The following SPTBN2 variants were observed in gnomAD, a reference collection of about 807,000 sequenced individuals.
SPTBN2 encodes the protein spectrin beta, non-erythrocytic 2.
A neutral mutation model predicts 284.2 loss-of-function variants in SPTBN2; 107 were observed. That is an observed-to-expected ratio of 0.38 (90% CI 0.32 to 0.44). SPTBN2 has a LOEUF of 0.44. Among genes scored for constraint, SPTBN2 ranks in the 20% least tolerant of loss-of-function variants. The pLI is 1.00. For missense variants in SPTBN2, 2,569 were observed against 3,287.1 expected, an observed-to-expected ratio of 0.78 and a Z score of 5.34; for synonymous variants, 1,289 against 1,354.8, an observed-to-expected ratio of 0.95 and a Z score of 1.07.
intron 1 of SPTBN2, among the ~76,000 whole-genome samples, chr11:66,724,796 C>A (rs1213494649): frequency 2.0e-5 from 3 of 152,156 alleles, no homozygotes; most frequent in African/African-American, 7.2e-5. Context: ...TCCATGGGCA[C>A]ACACCTCCCT....
rs60168350 is a variant in SPTBN2, at chr11:66,692,263, T to TG, written c.5190+272dup. Among the ~76,000 whole-genome samples the TG allele has an allele frequency of 2.5e-3, 373 of 152,100 alleles. 1 individual carries two copies. Among genetic ancestry groups the TG allele is most frequent in the African/African-American group, 6.6e-3 (275 of 41,472 alleles). ...TAAAAAAAAATTTTTTTTGTAGAGA[T>TG]GGGGGGTCTCACTATGTTGCCCAGG... On this transcript the variant is annotated intron_variant, in intron 26 of 37. Transcript: ENST00000533211.
intron 15 of SPTBN2, among the ~76,000 whole-genome samples, chr11:66,703,284 G>C (rs1200893271): frequency 1.3e-5 from 2 of 151,922 alleles, no homozygotes; most frequent in African/African-American, 2.4e-5. Context: ...GTCTCACTAT[G>C]TTGCCCAGGC....
At chr11:66,717,796 C>G (rs1463167885) in intron 3 of SPTBN2, among the ~76,000 whole-genome samples, 1 of 152,202 alleles carries the variant, frequency 6.6e-6, no homozygotes, top group Non-Finnish European at 1.5e-5. Flanking sequence ...TGTCACGTCA[C>G]AAGACGCCCA....
At chr11:66,706,226 C>T (rs1447696341) in intron 13 of SPTBN2, among the ~76,000 whole-genome samples, 1 of 152,252 alleles carries the variant, frequency 6.6e-6, no homozygotes, top group Non-Finnish European at 1.5e-5. Context: ...GTCTCGCTGT[C>T]ATGCTGCCTG....
At chr11:66,689,683 A>G (rs919931932) in intron 29 of SPTBN2, 122 bp downstream of exon 29, 1 of 1,454,396 alleles carries the variant, frequency 6.9e-7, no homozygotes, top group East Asian at 2.3e-5. Context: ...CGTGAATGGC[A>G]CTGAGGGGAG....
At chr11:66,725,543 C>T (rs1942585075) in intron 1 of SPTBN2, among the ~76,000 whole-genome samples, 1 of 152,104 alleles carries the variant, frequency 6.6e-6, no homozygotes, top group Non-Finnish European at 1.5e-5. Context: ...CTTCATGACC[C>T]CCTGTCATGA....
At chr11:66,694,626 T>C (rs1940797401) in intron 21 of SPTBN2, among the ~76,000 whole-genome samples, 1 of 152,194 alleles carries the variant, frequency 6.6e-6, no homozygotes, top group African/African-American at 2.4e-5. Context: ...AACTTCAGCA[T>C]CACACAATAT....
chr11:66,707,927 G>T lies in SPTBN2; in HGVS notation c.1351-109C>A. 6.9e-7 allele frequency: 1 copy of T among 1,456,952 alleles called. No homozygotes were observed. The highest frequency in any genetic ancestry group is 9.3e-7 in the Non-Finnish European group (1 of 1,073,858). 90.3% of individuals were successfully genotyped at this position (1,456,952 alleles called of 1,614,324 possible). On this transcript the variant is annotated intron_variant, in intron 12 of 37. Transcript: ENST00000533211. This position sits in a 1 kb window ranked among gnomAD's most constrained non-coding sequence, Gnocchi z 4.9. ...TGCAAGATCCCAGCTCCATGCGGTGGCTCTAAGTTCCCTCTCTATCCCACC... is the reference window on the plus strand; with the variant it reads ...TGCAAGATCCCAGCTCCATGCGGTGTCTCTAAGTTCCCTCTCTATCCCACC...
At chr11:66,699,760 C>T in intron 17 of SPTBN2, 152 bp from the exon 18 acceptor site, 1 of 815,504 alleles carries the variant, frequency 1.2e-6, no homozygotes, top group Non-Finnish European at 2.0e-6. Flanking sequence ...GGCTGCCAGC[C>T]AGCATGGGAG....
In SPTBN2 at chr11:66,683,256, C is replaced by T. The variant is rs186392227; in HGVS notation, c.*2615G>A. On this transcript the variant is annotated 3_prime_UTR_variant, in exon 38 of 38. Transcript: ENST00000533211. ...CTAATTTTTGTATTTTTAGTAGAGA[C>T]GGGGTTTCACCGTTTTAGCCGGGAT... Among the ~76,000 whole-genome samples the T allele has an allele frequency of 9.2e-3, 1,389 of 151,564 alleles. 29 individuals carry two copies. Among genetic ancestry groups the T allele is most frequent in the African/African-American group, 0.033 (1,346 of 41,250 alleles).
At chr11:66,689,440 A>G (rs1406426220) in intron 29 of SPTBN2, 4 of 529,450 alleles carry the variant, frequency 7.6e-6, no homozygotes, top group African/African-American at 1.9e-5. Context: ...CGCCCGGCTA[A>G]TTTTTGTGTT....
chr11:66,732,123 CAT>C (rs1190622696), upstream of SPTBN2, among the ~76,000 whole-genome samples: 1 of 152,198 alleles, frequency 6.6e-6, no homozygotes, highest in Non-Finnish European at 1.5e-5. Flanking sequence ...ATACTTTACA[CAT>C]AACATTTCAT....
At chr11:66,688,107 C>T in intron 32 of SPTBN2, 28 bp from the exon 33 acceptor site, 1 of 1,613,908 alleles carries the variant, frequency 6.2e-7, no homozygotes, top group Non-Finnish European at 8.5e-7. Flanking sequence ...AACACAGAAT[C>T]ATTAGTCCCT....
intron 36 of SPTBN2, 136 bp from the exon 37 acceptor site, chr11:66,686,576 C>A: frequency 1.1e-6 from 1 of 936,872 alleles, no homozygotes; most frequent in Non-Finnish European, 1.7e-6. Flanking sequence ...CAGACACGCT[C>A]TGCACATTCT....
At chr11:66,699,372 G>A (rs1941115323) in intron 18 of SPTBN2, 34 bp downstream of exon 18, 1 of 1,609,278 alleles carries the variant, frequency 6.2e-7, no homozygotes, top group African/African-American at 1.3e-5. Flanking sequence ...ATTCCCCCCT[G>A]GGAACCCTAA....
At chr11:66,739,248 C>T (rs555150674) in intron 1 of SPTBN2, among the ~76,000 whole-genome samples, 1 of 152,318 alleles carries the variant, frequency 6.6e-6, no homozygotes, top group Non-Finnish European at 1.5e-5. Flanking sequence ...GCCAAGTCAA[C>T]TTTTAGAGAT....
Position 66,683,229 on chromosome 11 carries a change from G to A in SPTBN2, c.*2642C>T, listed in dbSNP as rs113905437. Among the ~76,000 whole-genome samples, 6,976 of 151,746 alleles carry A rather than the reference G, an allele frequency of 0.046. 172 individuals carry two copies. The highest frequency in any genetic ancestry group is 0.099 in the Middle Eastern group (29 of 294). On this transcript the variant is annotated 3_prime_UTR_variant, in exon 38 of 38. Coordinates refer to ENST00000533211, the MANE Select transcript of SPTBN2 (RefSeq NM_006946.4). ...ACTACAGGCGCCCGCCACTACGCCCGGCTAATTTTTGTATTTTTAGTAGAG... is the reference window on the plus strand; with the variant it reads ...ACTACAGGCGCCCGCCACTACGCCCAGCTAATTTTTGTATTTTTAGTAGAG...
Position 66,710,435 on chromosome 11 carries a change from C to G in SPTBN2, c.1073+147G>C, listed in dbSNP as rs1941795230. ...ATCATTAAAAAATTTTATTTTGTATCAACTATGTTGTTTGGATGCTTCTGG... is the reference window on the plus strand; with the variant it reads ...ATCATTAAAAAATTTTATTTTGTATGAACTATGTTGTTTGGATGCTTCTGG... On this transcript the variant is annotated intron_variant, in intron 10 of 37. Transcript: ENST00000533211. The surrounding 1 kb of genome is among the most constrained non-coding windows in gnomAD (Gnocchi z 4.9). 1.2e-6 allele frequency: 1 copy of G among 822,826 alleles called. No individual in the cohort carries two copies. The highest frequency in any genetic ancestry group is 2.7e-5 in the Admixed American group (1 of 37,298). The allele number at this position is 822,826 out of a possible 1,614,324, so 51.0% of individuals were successfully genotyped here. A position where few individuals can be genotyped will look rare whatever the true frequency, so the allele number is the denominator to read the frequency against.
chr11:66,702,959 A>C (rs1018528708), intron 15 of SPTBN2, among the ~76,000 whole-genome samples: 1 of 151,260 alleles, frequency 6.6e-6, no homozygotes, highest in African/African-American at 2.4e-5. Context: ...AAAAAAAAAA[A>C]ACCAAAAAAA....
Sources: allele counts gnomAD v4.1 joint callset (sites outside exome capture counted in the v4.1 genomes callset), GRCh38; gene constraint gnomAD v4.1.1; non-coding constraint Gnocchi (gnomAD v3.1); transcripts MANE v1.5; gene names NCBI Gene and HGNC (gene_info 2026-07-23, HGNC 2026-07-21).